FLYWCH1: variants seen among roughly 807,000 people sequenced by gnomAD.
FLYWCH1 encodes the protein FLYWCH-type zinc finger 1.
A neutral mutation model predicts 66.4 loss-of-function variants in FLYWCH1; 75 were observed. The observed-to-expected ratio is 1.13, with a 90% CI of 0.94 to 1.37. The LOEUF (loss-of-function observed/expected upper bound fraction) is 1.37. Ranked by LOEUF, FLYWCH1 falls within the 40% of genes most tolerant of loss-of-function variation. The pLI is 0.00. For synonymous variants in FLYWCH1, 595 were observed against 429.9 expected (o/e 1.38, Z -4.75); for missense variants, 1,334 against 1,001.8 (o/e 1.33, Z -4.48).
intron 8 of FLYWCH1, chr16:2,939,807 C>A: frequency 2.3e-6 from 1 of 440,042 alleles, no homozygotes; most frequent in Non-Finnish European, 4.1e-6. Context: ...TCTAGTTGAC[C>A]CCCACTATTT....
Position 2,916,691 on chromosome 16 carries a change from C to T in FLYWCH1, c.-74+2402C>T, listed in dbSNP as rs1045327862. Among the ~76,000 whole-genome samples the T allele has an allele frequency of 3.3e-4, 50 of 151,980 alleles. 1 individual carries two copies. The highest frequency in any genetic ancestry group is 2.3e-3 in the South Asian group (11 of 4,814). On this transcript the variant is annotated intron_variant, in intron 2 of 9. Transcript: ENST00000253928. The stretch of plus-strand genomic sequence containing the variant: ...AAAAGAAAAAAGAAATTTAAAAATT[C>T]GTTGTTTGATATCCTGAGACACAGA...
rs111452933 is a variant in FLYWCH1, at chr16:2,937,260, C to T, written c.1653C>T (p.Arg551=). The T allele has an allele frequency of 7.6e-4, 1,225 of 1,606,788 alleles. 11 individuals carry two copies. The African/African-American group carries it at 0.015, about 20-fold the overall frequency. ...AGGCCCGCATGGGCTGCCGCAGCCG[C>T]GCCATCACCCAGGGCCGGCGGGTCA... ...RDQARMGCRS[R]AITQGRRVMV... is the part of the protein sequence containing the mutation. Residue 551 remains arginine, a synonymous_variant, in exon 7 of 10, where the codon CGC becomes CGT. Transcript: ENST00000253928.
At chr16:2,936,986 C>T (rs1596385718) in intron 6 of FLYWCH1, 135 bp from the exon 7 acceptor site, 2 of 888,366 alleles carry the variant, frequency 2.3e-6, no homozygotes, top group Non-Finnish European at 3.0e-6. Flanking sequence ...ATGGTGGCAT[C>T]TGTGTCCTGG....
rs1302059764 is a variant in FLYWCH1 at position 2,938,356 on chromosome 16, C to G, written c.1950C>G (p.Ile650Met). 2.5e-6 allele frequency: 4 copies of G among 1,597,542 alleles called. No homozygotes were observed. Among genetic ancestry groups the G allele is most frequent in the Non-Finnish European group, 1.7e-6 (2 of 1,171,244 alleles). The change falls in exon 8 of 10, where the codon ATC becomes ATG. Residue 650 changes from isoleucine to methionine, a missense_variant. Physicochemically the swap from Ile to Met is conservative, Grantham distance 10 (BLOSUM62 1). Transcript: ENST00000253928. ...GCGCCATAACCCAGGGCCACCGCAT[C>G]ATGGTCATGCGCAGCCACTGCCATC... ...RSRAITQGHR[I>M]MVMRSHCHQP...
At chr16:2,941,625 C>T (rs1249887538) in intron 9 of FLYWCH1, among the ~76,000 whole-genome samples, 1 of 149,766 alleles carries the variant, frequency 6.7e-6, no homozygotes, top group Admixed American at 6.6e-5. Flanking sequence ...ACCTGTAATC[C>T]TAGCATTTTG....
chr16:2,944,631 T>G (rs2071404507), intron 9 of FLYWCH1, among the ~76,000 whole-genome samples: 1 of 151,740 alleles, frequency 6.6e-6, no homozygotes, highest in Non-Finnish European at 1.5e-5. Context: ...CAGACCAGCT[T>G]GGGAAACATG....
chr16:2,947,325 G>T (rs1037796509), intron 9 of FLYWCH1, among the ~76,000 whole-genome samples: 4 of 152,216 alleles, frequency 2.6e-5, no homozygotes, highest in African/African-American at 4.8e-5. Flanking sequence ...GGAAGCTGAG[G>T]AGTGACACTA....
Position 2,937,213 on chromosome 16 carries a change from G to C in FLYWCH1, c.1606G>C (p.Val536Leu), listed in dbSNP as rs1447610549. ...YRREKAAGEK[V>L]YWTCRDQARM... ...GCGGGAGAAGGCGGCCGGGGAGAAG[G>C]TGTATTGGACCTGCCGGGACCAGGC... Residue 536 changes from valine (V) to leucine (L), a missense_variant, in exon 7 of 10, where the codon GTG (valine) becomes CTG (leucine). By Grantham distance (32) the Val-to-Leu change is conservative (BLOSUM62 1). Transcript: ENST00000253928. 1 of 1,603,560 alleles carries C rather than the reference G, an allele frequency of 6.2e-7. No individual in the cohort carries two copies.
chr16:2,934,782 C>G (rs865794457), intron 6 of FLYWCH1: 2 of 396,484 alleles, frequency 5.0e-6, no homozygotes, highest in Non-Finnish European at 1.0e-5. Context: ...CGTCCTCACC[C>G]CCGCTCCTGA....
intron 2 of FLYWCH1, among the ~76,000 whole-genome samples, chr16:2,914,846 T>G: frequency 6.7e-6 from 1 of 149,552 alleles, no homozygotes; most frequent in Middle Eastern, 3.5e-3. Flanking sequence ...TCAGCGGAGG[T>G]TGCAGTGAGA....
chr16:2,930,169 A>G (rs2070711076), intron 3 of FLYWCH1, among the ~76,000 whole-genome samples, 159 bp downstream of exon 3: 1 of 152,040 alleles, frequency 6.6e-6, no homozygotes, highest in African/African-American at 2.4e-5. Context: ...TGGGATGATC[A>G]CAGTCAGGTA....
Position 2,930,572 on chromosome 16 carries a change from G to T in FLYWCH1, c.488G>T (p.Gly163Val). 1 of 1,556,098 alleles carries T rather than the reference G, an allele frequency of 6.4e-7. No homozygotes were observed. Among genetic ancestry groups the T allele is most frequent in the Non-Finnish European group, 8.7e-7 (1 of 1,152,428 alleles). The change falls in exon 4 of 10, where the codon GGC becomes GTC. Residue 163 changes from glycine (G) to valine (V), a missense_variant. Physicochemically the swap from Gly to Val is moderately radical, Grantham distance 109 (BLOSUM62 -3). Coordinates refer to ENST00000253928, the MANE Select transcript of FLYWCH1 (RefSeq NM_001308068.2). ...TGCCGGGGCCGGGCCATCACCCGAG[G>T]CCTGCGGGCCACAGTGATGCGGGGC... ...LGCRGRAITR[G>V]LRATVMRGHC...
intron 2 of FLYWCH1, chr16:2,922,646 G>C: frequency 2.3e-6 from 1 of 429,150 alleles, no homozygotes; most frequent in Non-Finnish European, 4.5e-6. Flanking sequence ...GAATTAGCCA[G>C]CCGGACTCGG....
intron 2 of FLYWCH1, among the ~76,000 whole-genome samples, chr16:2,921,629 G>C (rs1339294886): frequency 1.3e-5 from 2 of 152,150 alleles, no homozygotes; most frequent in African/African-American, 2.4e-5. Context: ...GGGCATGGTA[G>C]TGTGCGCCTG....
Position 2,937,142 on chromosome 16 carries a change from C to T in FLYWCH1, c.1535C>T (p.Thr512Met), listed in dbSNP as rs748205788. ...ACAGGAGGCCCCGAGTTCCTGAAGA[C>T]GCCCCTGGGGGGCAGCTTCCTGGTG... The part of the protein sequence containing the change: ...GSPGGPEFLK[T>M]PLGGSFLVYE... The change falls in exon 7 of 10, where the codon ACG (threonine) becomes ATG (methionine). Residue 512 changes from threonine (T) to methionine (M), a missense_variant. Transcript: ENST00000253928. The T allele has an allele frequency of 8.4e-5, 85 of 1,010,168 alleles. No individual in the cohort carries two copies. In the East Asian group the frequency reaches 1.1e-3, roughly 13 times the overall value. 62.6% of individuals were successfully genotyped at this position (1,010,168 alleles called of 1,614,324 possible).
At chr16:2,931,337 A>G (rs891104850) in intron 4 of FLYWCH1, among the ~76,000 whole-genome samples, 1 of 149,846 alleles carries the variant, frequency 6.7e-6, no homozygotes, top group Non-Finnish European at 1.5e-5. Flanking sequence ...AAAATACATA[A>G]ATGTGGGCTG....
intron 4 of FLYWCH1, among the ~76,000 whole-genome samples, chr16:2,932,109 C>G (rs947140810): frequency 1.6e-5 from 2 of 125,934 alleles, no homozygotes; most frequent in Non-Finnish European, 3.2e-5. Flanking sequence ...AAGAGCAAGA[C>G]TCTGTCTCAA....
chr16:2,920,602 G>C (rs968405912), intron 2 of FLYWCH1, among the ~76,000 whole-genome samples: 1 of 151,694 alleles, frequency 6.6e-6, no homozygotes, highest in African/African-American at 2.4e-5. Context: ...GTTTTTTTGA[G>C]ATGGAGTTTT....
intron 1 of FLYWCH1, chr16:2,913,049 G>A (rs1484492719): frequency 1.3e-5 from 2 of 152,336 alleles, no homozygotes; most frequent in East Asian, 3.9e-4. Flanking sequence ...TGAGGTTGGG[G>A]CTAGATTGCG....
Sources: allele counts gnomAD v4.1 joint callset (sites outside exome capture counted in the v4.1 genomes callset), GRCh38; gene constraint gnomAD v4.1.1; transcripts MANE v1.5; gene names NCBI Gene and HGNC (gene_info 2026-07-23, HGNC 2026-07-21).